Variants in COA8 observed in about 807,000 individuals in gnomAD.
The protein encoded by COA8 is cytochrome c oxidase assembly factor 8.
A neutral mutation model predicts 22.0 loss-of-function variants in COA8; 20 were observed. The ratio of observed to expected loss-of-function variants is 0.91; its 90% confidence interval spans 0.64 to 1.32. COA8 has a LOEUF of 1.32. Among genes scored for constraint, COA8 ranks in the 40% most tolerant of loss-of-function variants. The pLI is 0.00. For synonymous variants in COA8, 105 were observed against 79.9 expected, an observed-to-expected ratio of 1.31 and a Z score of -1.68; for missense variants, 266 against 230.0, an observed-to-expected ratio of 1.16 and a Z score of -1.01.
chr14:103,582,074 C>T (rs1156781293), intron 3 of COA8, among the ~76,000 whole-genome samples: 6 of 152,216 alleles, frequency 3.9e-5, no homozygotes, highest in Admixed American at 6.5e-5. Flanking sequence ...CTAGCGAGCA[C>T]CCTGGGTAGG....
intron 1 of COA8, chr14:103,563,491 G>A (rs1224110786): frequency 2.6e-6 from 1 of 388,620 alleles, no homozygotes; most frequent in Non-Finnish European, 4.9e-6. Context: ...TTTTGGCTTT[G>A]TTACAATTAT....
At chr14:103,585,307 G>A (rs546609701) in intron 3 of COA8, among the ~76,000 whole-genome samples, 2 of 150,992 alleles carry the variant, frequency 1.3e-5, no homozygotes, top group East Asian at 2.0e-4. Flanking sequence ...GGAGAAACCC[G>A]TCTCTACTAA....
rs117740233 is a variant in COA8, at chr14:103,583,954, A to T, written c.386-3320A>T. Among the ~76,000 whole-genome samples the T allele has an allele frequency of 2.2e-4, 34 of 152,364 alleles. No individual in the cohort carries two copies. In the East Asian group the frequency reaches 6.4e-3, roughly 29 times the overall value. On this transcript the variant is annotated intron_variant, in intron 3 of 4. Coordinates refer to ENST00000409074, the MANE Select transcript of COA8 (RefSeq NM_001370595.2). ...AAGGATACAACTCAGGGACAGCCAG[A>T]TAGCAGAGATGCACATGGCAAGGTA...
intron 1 of COA8, among the ~76,000 whole-genome samples, chr14:103,565,859 C>G (rs1158260662): frequency 3.3e-5 from 5 of 151,782 alleles, no homozygotes; most frequent in Non-Finnish European, 7.4e-5. Context: ...AGGTGATCTG[C>G]TCACCTCAGC....
chr14:103,569,634 CTCGG>C (rs2076166224), intron 1 of COA8, among the ~76,000 whole-genome samples: 1 of 152,188 alleles, frequency 6.6e-6, no homozygotes, highest in Non-Finnish European at 1.5e-5. Context: ...CCCGGGTCAG[CTCGG>C]AGGAGGGAAG....
intron 3 of COA8, among the ~76,000 whole-genome samples, chr14:103,583,493 G>A: frequency 7.6e-6 from 1 of 132,406 alleles, no homozygotes; most frequent in East Asian, 2.5e-4. Context: ...AGTGAGCCGA[G>A]ATTGTGCCAT....
chr14:103,563,295 T>C, intron 1 of COA8, 171 bp downstream of exon 1: 1 of 900,082 alleles, frequency 1.1e-6, no homozygotes, highest in Non-Finnish European at 1.8e-6. Context: ...ATCAACGCCC[T>C]CAGTCGGATG....
Position 103,590,589 on chromosome 14 carries a change from C to T in COA8, c.*303C>T, listed in dbSNP as rs747416887. On this transcript the variant is annotated 3_prime_UTR_variant, in exon 5 of 5. Coordinates refer to ENST00000409074, the MANE Select transcript of COA8 (RefSeq NM_001370595.2). ...AACAGAACTATTTAAAAATATTGGC[C>T]AGGCACGGTGGCTCACACCTGTAAT... 3 of 239,190 alleles carry T rather than the reference C, an allele frequency of 1.3e-5. No homozygotes were observed. The highest frequency in any genetic ancestry group is 2.5e-5 in the Non-Finnish European group (3 of 122,338). The allele number at this position is 239,190 out of a possible 1,614,324, so 14.8% of individuals were successfully genotyped here.
At chr14:103,588,469 G>T (rs1446098460) in intron 4 of COA8, among the ~76,000 whole-genome samples, 5 of 140,604 alleles carry the variant, frequency 3.6e-5, no homozygotes, top group African/African-American at 1.3e-4. Context: ...AAATAAGTAA[G>T]TAATTAAAAA....
intron 3 of COA8, among the ~76,000 whole-genome samples, chr14:103,582,758 T>TG (rs1340297527): frequency 7.1e-6 from 1 of 141,476 alleles, no homozygotes; most frequent in South Asian, 2.2e-4. Context: ...TTTTTTGAGA[T>TG]GGAGTCTCCT....
rs142309670 is a variant in COA8 at position 103,573,764 on chromosome 14, G to A, written c.322-343G>A. Among the ~76,000 whole-genome samples the A allele has an allele frequency of 2.0e-5, 3 of 152,210 alleles. 1 individual carries two copies. The highest frequency in any genetic ancestry group is 7.2e-5 in the African/African-American group (3 of 41,550). ...GACGGGGTTTCTCCATGTTGGCCAG[G>A]CTGGTCTGGAACTCCTGACCTCAGG... On this transcript the variant is annotated intron_variant, in intron 2 of 4. Coordinates refer to ENST00000409074, the MANE Select transcript of COA8 (RefSeq NM_001370595.2).
intron 1 of COA8, among the ~76,000 whole-genome samples, chr14:103,564,198 A>T (rs187403839): frequency 6.6e-6 from 1 of 152,190 alleles, no homozygotes; most frequent in East Asian, 1.9e-4. Context: ...TTGCTTGTAC[A>T]TTTTCATTTC....
Position 103,581,703 on chromosome 14 carries a change from C to T in COA8, c.386-5571C>T, listed in dbSNP as rs1208304219. ...AAGAAAATGAAGTAGCCCCAGATGA[C>T]GTAGGAAATGGCAGAACTGAAGGGA... On this transcript the variant is annotated intron_variant, in intron 3 of 4. Coordinates refer to ENST00000409074, the MANE Select transcript of COA8 (RefSeq NM_001370595.2). The surrounding 1 kb of genome is among the most constrained non-coding windows in gnomAD (Gnocchi z 4.1). The T allele has an allele frequency of 7.5e-6, 3 of 398,384 alleles. No individual in the cohort carries two copies. The highest frequency in any genetic ancestry group is 2.1e-5 in the African/African-American group (1 of 48,600). The allele number at this position is 398,384 out of a possible 1,614,324, so 24.7% of individuals were successfully genotyped here. A position where few individuals can be genotyped will look rare whatever the true frequency, so the allele number is the denominator to read the frequency against.
chr14:103,588,480 A>ATAT (rs1555414272), intron 4 of COA8, among the ~76,000 whole-genome samples: 50 of 143,900 alleles, frequency 3.5e-4, no homozygotes, highest in African/African-American at 1.2e-3. Context: ...TAATTAAAAA[A>ATAT]ATATATATAT....
intron 3 of COA8, among the ~76,000 whole-genome samples, chr14:103,586,222 T>TTTTTTTTA (rs1555414078): frequency 6.2e-5 from 9 of 145,856 alleles, no homozygotes; most frequent in East Asian, 4.0e-4. Context: ...TTTTTTTTTT[T>TTTTTTTTA]AACGAGACAG....
intron 3 of COA8, among the ~76,000 whole-genome samples, chr14:103,582,592 G>A (rs555899872): frequency 1.3e-5 from 2 of 152,088 alleles, no homozygotes; most frequent in African/African-American, 2.4e-5. Flanking sequence ...CAGTTCCTCC[G>A]CAGAACCTGC....
At chr14:103,577,950 G>A (rs1163047974) in intron 3 of COA8, among the ~76,000 whole-genome samples, 5 of 151,022 alleles carry the variant, frequency 3.3e-5, no homozygotes, top group South Asian at 2.1e-4. Context: ...CTTGAACCCC[G>A]GAGGCGGAAG....
chr14:103,590,062 C>T, intron 4 of COA8, 119 bp from the exon 5 acceptor site: 1 of 785,398 alleles, frequency 1.3e-6, no homozygotes, highest in East Asian at 2.5e-5. Context: ...AGGGAAAGGG[C>T]AAAGCAGTTG....
At chr14:103,585,334 C>T (rs991465043) in intron 3 of COA8, among the ~76,000 whole-genome samples, 1 of 151,074 alleles carries the variant, frequency 6.6e-6, no homozygotes, top group Admixed American at 6.6e-5. Context: ...AAAAAATTAG[C>T]TGGGCGTGGT....
Sources: gnomAD v4.1 joint callset for allele counts (sites outside exome capture counted in the v4.1 genomes callset) on GRCh38, gnomAD v4.1.1 for gene constraint, Gnocchi (gnomAD v3.1) non-coding constraint, MANE v1.5 for transcripts, NCBI Gene and HGNC (gene_info 2026-07-23, HGNC 2026-07-21) for gene names.